The following CDH10 variants were observed in gnomAD, a reference collection of about 807,000 sequenced individuals.
CDH10 encodes the protein cadherin-10.
In CDH10, 30 loss-of-function variants were observed where a neutral mutation model predicts 73.1. The observed-to-expected ratio is 0.41, with a 90% CI of 0.31 to 0.56. The LOEUF is 0.56. CDH10 is among the 20% of genes least tolerant of loss of function. CDH10 has a pLI of 0.27. For missense variants in CDH10, 815 were observed against 973.7 expected, an observed-to-expected ratio of 0.84 and a Z score of 2.17; for synonymous variants, 345 against 348.2, an observed-to-expected ratio of 0.99 and a Z score of 0.10.
intron 6 of CDH10, 54 bp downstream of exon 6, chr5:24,511,273 T>C (rs2111762595): frequency 9.3e-7 from 1 of 1,077,374 alleles, no homozygotes; most frequent in Non-Finnish European, 1.4e-6. Context: ...GAGTATATAA[T>C]GCAATCCCTA....
intron 2 of CDH10, among the ~76,000 whole-genome samples, chr5:24,586,692 G>A (rs1746013590): frequency 6.6e-6 from 1 of 151,440 alleles, no homozygotes; most frequent in Non-Finnish European, 1.5e-5. Flanking sequence ...TGATCCACCC[G>A]CCTTGACCTC....
intron 1 of CDH10, among the ~76,000 whole-genome samples, chr5:24,601,101 T>A (rs937762514): frequency 3.3e-5 from 5 of 152,288 alleles, no homozygotes; most frequent in Admixed American, 2.0e-4. Flanking sequence ...AAGTTCAGTT[T>A]TTTATTTTAA....
chr5:24,530,016 CTTTTT>C (rs34282847), intron 5 of CDH10, among the ~76,000 whole-genome samples: 33 of 121,834 alleles, frequency 2.7e-4, no homozygotes, highest in South Asian at 2.6e-4. Context: ...TCTATTTTTA[CTTTTT>C]TTTTTTTTTT....
chr5:24,644,055 G>A (rs772051577), intron 1 of CDH10, among the ~76,000 whole-genome samples: 4 of 152,088 alleles, frequency 2.6e-5, no homozygotes, highest in Non-Finnish European at 4.4e-5. Context: ...TTGTATTTAT[G>A]TAGATGCTTA....
chr5:24,521,832 T>C (rs1194158269), intron 5 of CDH10, among the ~76,000 whole-genome samples: 2 of 152,008 alleles, frequency 1.3e-5, no homozygotes, highest in East Asian at 1.9e-4. Context: ...AGGATGTAAA[T>C]GTATTTAAAA....
chr5:24,630,786 A>C (rs1407891387), intron 1 of CDH10, among the ~76,000 whole-genome samples: 1 of 152,064 alleles, frequency 6.6e-6, no homozygotes, highest in East Asian at 1.9e-4. Flanking sequence ...ACAATGAAGA[A>C]AGTATTAGAA....
chr5:24,586,434 C>CTTTTTTTTT lies in CDH10; in HGVS notation c.231+6817_231+6825dup, dbSNP rs35486231. Among the ~76,000 whole-genome samples the CTTTTTTTTT allele has an allele frequency of 3.9e-4, 39 of 100,388 alleles. 1 individual carries two copies. The highest frequency in any genetic ancestry group is 6.9e-4 in the East Asian group (2 of 2,914). The allele number at this position is 100,388 out of a possible 152,430, so 65.9% of individuals were successfully genotyped here. A position where few individuals can be genotyped will look rare whatever the true frequency, so the allele number is the denominator to read the frequency against. On this transcript the variant is annotated intron_variant, in intron 2 of 11. Transcript: ENST00000264463. Reference sequence around the variant, plus strand: ...GAAAATTTACATGCTTTATTAACTCCTTTTTTTTTTTTTTTTTTTTTTGAG... The same window carrying CTTTTTTTTT: ...GAAAATTTACATGCTTTATTAACTCCTTTTTTTTTTTTTTTTTTTTTTTTTTTTTTTGAG...
rs184078507 is a variant in CDH10 at position 24,573,478 on chromosome 5, G to C, written c.231+19782C>G. Among the ~76,000 whole-genome samples the C allele has an allele frequency of 3.2e-3, 483 of 152,064 alleles. 16 individuals are homozygous for C. The East Asian group carries it at 0.078, about 24-fold the overall frequency. The stretch of plus-strand genomic sequence containing the variant: ...GCACTTTGGGAGGCCGAGGCAGGCA[G>C]ATCACGAGGTCAGGAGATTGAGACC... On this transcript the variant is annotated intron_variant, in intron 2 of 11. Coordinates refer to ENST00000264463, the MANE Select transcript of CDH10 (RefSeq NM_006727.5).
At chr5:24,519,000 CAT>C (rs1743213434) in intron 5 of CDH10, among the ~76,000 whole-genome samples, 1 of 146,918 alleles carries the variant, frequency 6.8e-6, no homozygotes, top group Non-Finnish European at 1.5e-5. Flanking sequence ...AAGTGATTCT[CAT>C]GTGTCAGCCT....
intron 1 of CDH10, among the ~76,000 whole-genome samples, chr5:24,637,574 G>A (rs574088775): frequency 2.0e-5 from 3 of 152,004 alleles, no homozygotes; most frequent in African/African-American, 7.2e-5. Context: ...AGGTGTGACA[G>A]AAGGGAATGC....
chr5:24,494,034 C>G (rs1742168135), intron 9 of CDH10, among the ~76,000 whole-genome samples: 1 of 151,694 alleles, frequency 6.6e-6, no homozygotes, highest in Non-Finnish European at 1.5e-5. Context: ...TAATTACAAC[C>G]CTAACCATTT....
intron 2 of CDH10, among the ~76,000 whole-genome samples, chr5:24,579,748 A>G (rs1745726600): frequency 6.6e-6 from 1 of 152,024 alleles, no homozygotes. Flanking sequence ...AGTTTCATTC[A>G]TTGTTTTTTC....
chr5:24,617,823 C>G (rs1747174748), intron 1 of CDH10, among the ~76,000 whole-genome samples: 1 of 152,190 alleles, frequency 6.6e-6, no homozygotes, highest in South Asian at 2.1e-4. Flanking sequence ...CCGCCTGATG[C>G]ACTTGGATCA....
At chr5:24,495,941 T>C (rs960485501) in intron 9 of CDH10, among the ~76,000 whole-genome samples, 7 of 151,850 alleles carry the variant, frequency 4.6e-5, no homozygotes, top group African/African-American at 9.7e-5. Context: ...AAGCATAGAA[T>C]TGATTTCTAT....
chr5:24,505,177 G>C lies in CDH10; in HGVS notation c.1328C>G (p.Thr443Arg), dbSNP rs2111726524. 1 of 1,611,002 alleles carries C rather than the reference G, an allele frequency of 6.2e-7. No individual in the cohort carries two copies. Among genetic ancestry groups the C allele is most frequent in the Non-Finnish European group, 8.5e-7 (1 of 1,177,320 alleles). ...NIHSGNGSLY[T>R]SKPLDRELSQ... ...TAGTTCACGGTCAAGAGGTTTTGAT[G>C]TATAAAGAGATCCATTTCCTGAATG... Residue 443 changes from threonine (T) to arginine (R), a missense_variant, in exon 8 of 12, where the codon ACA becomes AGA. This residue lies in a region of CDH10 where 516 missense variants were observed against 636.6 expected (regional missense o/e 0.81). Coordinates refer to ENST00000264463, the MANE Select transcript of CDH10 (RefSeq NM_006727.5).
At chr5:24,512,355 ATG>A (rs142374264) in intron 5 of CDH10, among the ~76,000 whole-genome samples, 22 of 152,300 alleles carry the variant, frequency 1.4e-4, no homozygotes, top group Non-Finnish European at 3.1e-4. Context: ...ATATGTATTT[ATG>A]TGTGTTTACA....
chr5:24,605,790 CATCAATCGGGAACA>C (rs1334292015), intron 1 of CDH10, among the ~76,000 whole-genome samples: 5 of 152,148 alleles, frequency 3.3e-5, no homozygotes, highest in Admixed American at 6.5e-5. Context: ...TATTTATAAT[CATCAATCGGGAACA>C]ACCCAAATGT....
At chr5:24,509,220 A>G (rs1247226887) in intron 7 of CDH10, among the ~76,000 whole-genome samples, 1 of 141,836 alleles carries the variant, frequency 7.1e-6, no homozygotes, top group Non-Finnish European at 1.5e-5. Flanking sequence ...ATTTTAAACA[A>G]CATTTTGTTC....
intron 2 of CDH10, among the ~76,000 whole-genome samples, chr5:24,577,240 C>T (rs148003624): frequency 6.6e-6 from 1 of 151,986 alleles, no homozygotes; most frequent in Non-Finnish European, 1.5e-5. Context: ...TATTTAATAA[C>T]AATGTATACC....
Sources: gnomAD v4.1 joint callset for allele counts (sites outside exome capture counted in the v4.1 genomes callset) on GRCh38, gnomAD v4.1.1 for gene constraint, gnomAD v4.1.1 regional missense constraint, MANE v1.5 for transcripts, NCBI Gene and HGNC (gene_info 2026-07-23, HGNC 2026-07-21) for gene names.